Variants in CLGN observed in about 807,000 individuals in gnomAD.
CLGN encodes calmegin, also known as testis tissue sperm-binding protein Li 79P.
In CLGN, 62 loss-of-function variants were observed where a neutral mutation model predicts 79.1. The ratio of observed to expected loss-of-function variants is 0.78; its 90% confidence interval spans 0.64 to 0.97. CLGN has a LOEUF of 0.97. CLGN is among the 50% of genes least tolerant of loss of function. The pLI, the probability that CLGN is intolerant of heterozygous loss-of-function variation, is 0.00. For missense variants in CLGN, 647 were observed against 715.5 expected (o/e 0.90, Z 1.09); for synonymous variants, 225 against 224.7 (o/e 1.00, Z -0.01).
intron 3 of CLGN, 94 bp downstream of exon 3, chr4:140,410,459 G>T (rs1729188727): frequency 2.5e-6 from 2 of 791,894 alleles, no homozygotes; most frequent in East Asian, 2.5e-5. Flanking sequence ...ATTTTTTATA[G>T]ATCTGTAGTA....
chr4:140,419,075 A>T (rs957471928), intron 1 of CLGN, among the ~76,000 whole-genome samples: 2 of 152,030 alleles, frequency 1.3e-5, no homozygotes, highest in Non-Finnish European at 2.9e-5. Context: ...AAATTGGAAA[A>T]CATCATTCTC....
At chr4:140,421,860 G>A (rs1729476342) in intron 1 of CLGN, among the ~76,000 whole-genome samples, 1 of 151,804 alleles carries the variant, frequency 6.6e-6, no homozygotes. Context: ...AAAAATTACT[G>A]GCAAATTCAA....
chr4:140,390,115 A>G (rs75335983), intron 14 of CLGN, among the ~76,000 whole-genome samples: 2,665 of 151,882 alleles, frequency 0.018, 77 homozygotes, highest in African/African-American at 0.061. Flanking sequence ...TCCATTTTAT[A>G]TCAGGACACA....
At chr4:140,392,562 T>C (rs771533836) in intron 12 of CLGN, 24 bp downstream of exon 12, 6 of 1,573,348 alleles carry the variant, frequency 3.8e-6, no homozygotes, top group Admixed American at 2.0e-5. Flanking sequence ...GTGAAAAAAG[T>C]TGAAGGAAAT....
At chr4:140,416,529 G>A (rs1374379440) in intron 1 of CLGN, among the ~76,000 whole-genome samples, 2 of 151,970 alleles carry the variant, frequency 1.3e-5, no homozygotes, top group East Asian at 1.9e-4. Context: ...TATCACCACT[G>A]ATCCCACAAA....
chr4:140,390,535 C>T (rs528720060), intron 14 of CLGN, 93 bp downstream of exon 14: 13 of 767,064 alleles, frequency 1.7e-5, no homozygotes, highest in Non-Finnish European at 2.6e-5. Flanking sequence ...AGAAATATGG[C>T]AAAAATTCTT....
At chr4:140,425,429 GGTGTGT>G (rs754897067) in intron 1 of CLGN, among the ~76,000 whole-genome samples, 2,198 of 116,912 alleles carry the variant, frequency 0.019, 39 homozygotes, top group African/African-American at 0.062. Context: ...GAATCAATAG[GGTGTGT>G]GTGTGTGTGT....
intron 4 of CLGN, among the ~76,000 whole-genome samples, chr4:140,408,126 A>G (rs781177313): frequency 6.6e-6 from 1 of 152,158 alleles, no homozygotes; most frequent in Non-Finnish European, 1.5e-5. Context: ...GGCAAGCCAC[A>G]TATAGAAGAA....
chr4:140,419,490 TA>T (rs1729420026), intron 1 of CLGN, among the ~76,000 whole-genome samples: 1 of 152,056 alleles, frequency 6.6e-6, no homozygotes, highest in Non-Finnish European at 1.5e-5. Context: ...TATATAAACA[TA>T]AAAATGGAAA....
chr4:140,427,120 G>GA (rs1420396832), intron 1 of CLGN, among the ~76,000 whole-genome samples: 2 of 151,866 alleles, frequency 1.3e-5, no homozygotes, highest in Middle Eastern at 3.2e-3. Flanking sequence ...GAGCGCCCCG[G>GA]GCTCAAGCGT....
chr4:140,400,762 G>A (rs933219862), intron 6 of CLGN, among the ~76,000 whole-genome samples: 4 of 152,072 alleles, frequency 2.6e-5, no homozygotes, highest in African/African-American at 7.2e-5. Context: ...ACTTCCTGAC[G>A]ATGTGGGACA....
chr4:140,405,191 A>ATTTTTTTTTTTTTTTTTTTTTTTTTTT (rs35471612), intron 5 of CLGN, among the ~76,000 whole-genome samples: 1 of 129,062 alleles, frequency 7.7e-6, no homozygotes, highest in Admixed American at 7.8e-5. Context: ...TTTTTTTTTT[A>ATTTTTTTTTTTTTTTTTTTTTTTTTTT]TTTTTTTTTT....
At chr4:140,399,104 TA>T in intron 7 of CLGN, 64 bp from the exon 8 acceptor site, 1 of 1,356,402 alleles carries the variant, frequency 7.4e-7, no homozygotes. Context: ...GATAATCTTC[TA>T]AATAATGTAA....
At position 140,409,817 on chromosome 4, in the gene CLGN, T is replaced by C; in HGVS notation, c.277+20A>G. 7.3e-6 allele frequency: 11 copies of C among 1,511,376 alleles called. No homozygotes were observed. Among genetic ancestry groups the C allele is most frequent in the Non-Finnish European group, 1.0e-5 (11 of 1,094,918 alleles). The allele number at this position is 1,511,376 out of a possible 1,614,324, so 93.6% of individuals were successfully genotyped here. The stretch of plus-strand genomic sequence containing the variant: ...TCCAGGCCATACTGGTTATATCTAA[T>C]ACTTAAATAAATATTTTACCATCGT... On this transcript the variant is annotated intron_variant, in intron 4 of 14. Coordinates refer to ENST00000325617, the MANE Select transcript of CLGN (RefSeq NM_004362.3).
At chr4:140,390,840 AT>A in intron 13 of CLGN, 112 bp from the exon 14 acceptor site, 1 of 551,580 alleles carries the variant, frequency 1.8e-6, no homozygotes, top group Non-Finnish European at 2.9e-6. Flanking sequence ...TTATTCCAAG[AT>A]TTAGAAGCAA....
At chr4:140,396,881 ATATATATATG>A (rs1315001641) in intron 8 of CLGN, among the ~76,000 whole-genome samples, 7 of 68,048 alleles carry the variant, frequency 1.0e-4, no homozygotes, top group African/African-American at 3.8e-4. Context: ...ATACATATAT[ATATATATATG>A]TATATATATA....
In CLGN at chr4:140,388,790, T is replaced by C. The variant is rs1728721262; in HGVS notation, c.*434A>G. On this transcript the variant is annotated 3_prime_UTR_variant, in exon 15 of 15. Transcript: ENST00000325617. ...GAATCAAACAACCATACAGAAACTT[T>C]ATTGCATTTAGCTCTTCACAACAGA... 1 of 154,976 alleles carries C rather than the reference T, an allele frequency of 6.5e-6. No homozygotes were observed. Among genetic ancestry groups the C allele is most frequent in the Non-Finnish European group, 1.4e-5 (1 of 69,702 alleles). 9.6% of individuals were successfully genotyped at this position (154,976 alleles called of 1,614,324 possible). A position where few individuals can be genotyped will look rare whatever the true frequency, so the allele number is the denominator to read the frequency against.
chr4:140,412,472 C>A (rs1236319048), intron 2 of CLGN, among the ~76,000 whole-genome samples: 1 of 152,150 alleles, frequency 6.6e-6, no homozygotes, highest in Non-Finnish European at 1.5e-5. Context: ...AAACACGAGT[C>A]AGGTTTACTA....
chr4:140,401,429 C>T (rs1163461107), intron 6 of CLGN, among the ~76,000 whole-genome samples: 3 of 152,146 alleles, frequency 2.0e-5, no homozygotes, highest in African/African-American at 7.2e-5. Flanking sequence ...CCTGATGTCT[C>T]ATCTATCGTA....
Sources: gnomAD v4.1 joint callset for allele counts (sites outside exome capture counted in the v4.1 genomes callset) on GRCh38, gnomAD v4.1.1 for gene constraint, MANE v1.5 for transcripts, NCBI Gene and HGNC (gene_info 2026-07-23, HGNC 2026-07-21) for gene names.